The following BPTF variants were observed in gnomAD, a reference collection of about 807,000 sequenced individuals.
The protein encoded by BPTF is bromodomain PHD finger transcription factor.
BPTF carries 18 observed loss-of-function variants against 292.5 expected under a neutral mutation model. That is an observed-to-expected ratio of 0.06 (90% CI 0.04 to 0.09). The LOEUF (loss-of-function observed/expected upper bound fraction) is 0.09, where lower values mean the gene tolerates loss of function less well. Ranked by LOEUF, BPTF falls within the 10% of genes least tolerant of loss-of-function variation. BPTF has a pLI of 1.00. For missense variants in BPTF, 2,726 were observed against 3,498.7 expected (o/e 0.78, Z 5.57); for synonymous variants, 1,225 against 1,251.9 (o/e 0.98, Z 0.45).
At chr17:67,919,647 G>A (rs2063304941) in intron 12 of BPTF, among the ~76,000 whole-genome samples, 1 of 152,168 alleles carries the variant, frequency 6.6e-6, no homozygotes, top group Non-Finnish European at 1.5e-5. Flanking sequence ...TCACTTATGT[G>A]TGAACCAGTC....
chr17:67,908,826 A>ATTTTT (rs34934455), intron 9 of BPTF, among the ~76,000 whole-genome samples: 278 of 106,108 alleles, frequency 2.6e-3, no homozygotes, highest in East Asian at 5.1e-3. Flanking sequence ...GTCACTGACA[A>ATTTTT]TTTTTTTTTT....
intron 23 of BPTF, among the ~76,000 whole-genome samples, chr17:67,954,565 C>A (rs2066743337): frequency 6.6e-6 from 1 of 152,198 alleles, no homozygotes; most frequent in Non-Finnish European, 1.5e-5. Flanking sequence ...CCTCTTCTTC[C>A]TTCTGAATCT....
At chr17:67,933,231 C>T (rs562774094) in intron 18 of BPTF, among the ~76,000 whole-genome samples, 1 of 150,400 alleles carries the variant, frequency 6.6e-6, no homozygotes, top group South Asian at 2.1e-4. Context: ...GTACTCCAGC[C>T]TGGGCAAAAA....
At chr17:67,963,828 T>C (rs1344054861) in intron 24 of BPTF, among the ~76,000 whole-genome samples, 3 of 152,190 alleles carry the variant, frequency 2.0e-5, no homozygotes, top group Non-Finnish European at 1.5e-5. Flanking sequence ...TGGTGCTTTA[T>C]TGTAGGTTAG....
In BPTF at chr17:67,944,161, A is replaced by G. The variant is rs1409682941; in HGVS notation, c.6489A>G (p.Gln2163=). The G allele has an allele frequency of 6.2e-7, 1 of 1,614,164 alleles. No homozygotes were observed. The highest frequency in any genetic ancestry group is 8.5e-7 in the Non-Finnish European group (1 of 1,179,972). ...TQLTQGHGGN[Q]GLTVVIQGQG... is the part of the protein sequence containing the mutation. ...TGTTTTTTCCACAGGGTGGCAATCA[A>G]GGTTTGACAGTAGTAATTCAAGGAC... is the stretch of plus-strand genomic sequence containing the variant. The change falls in exon 20 of 28, where the codon CAA becomes CAG. Residue 2163 remains glutamine, a synonymous_variant. Transcript: ENST00000306378.
chr17:67,890,687 A>G (rs947228784), intron 4 of BPTF, among the ~76,000 whole-genome samples: 60 of 152,190 alleles, frequency 3.9e-4, no homozygotes, highest in Non-Finnish European at 7.4e-4. Flanking sequence ...GTATCTCCCC[A>G]AAGGAAAGAA....
At chr17:67,826,580 T>TCTCTC (rs1555605611) in intron 1 of BPTF, among the ~76,000 whole-genome samples, 1 of 137,418 alleles carries the variant, frequency 7.3e-6, no homozygotes, top group Non-Finnish European at 1.6e-5. Context: ...TCGCTCTCTC[T>TCTCTC]CCCCCCCCCA....
intron 7 of BPTF, among the ~76,000 whole-genome samples, chr17:67,900,873 G>A (rs79757812): frequency 0.012 from 1,808 of 152,028 alleles, 15 homozygotes; most frequent in Non-Finnish European, 0.019. Flanking sequence ...GCCAGGCATG[G>A]TCTTGCTTGC....
In BPTF at chr17:67,946,073, G is replaced by A. The variant is rs1373427608; in HGVS notation, c.7365G>A (p.Gln2455=). ...AGATCCAGTCACAGGTTGTGGCTCA[G>A]ATACAGGCTCAGCAAAGTGGTGTGC... The part of the protein sequence containing the change: ...LSQIQSQVVA[Q]IQAQQSGVPQ... The change falls in exon 21 of 28, where the codon CAG becomes CAA. Residue 2455 remains glutamine, a synonymous_variant. Transcript: ENST00000306378. 1.9e-6 allele frequency: 3 copies of A among 1,614,176 alleles called. No homozygotes were observed. Among genetic ancestry groups the A allele is most frequent in the Non-Finnish European group, 2.5e-6 (3 of 1,180,030 alleles).
intron 1 of BPTF, among the ~76,000 whole-genome samples, chr17:67,846,209 G>A (rs987107482): frequency 2.6e-5 from 4 of 152,090 alleles, no homozygotes; most frequent in Non-Finnish European, 5.9e-5. Flanking sequence ...AAAAATATAG[G>A]CTGGGCATGG....
intron 4 of BPTF, chr17:67,875,859 A>T: frequency 1.1e-6 from 1 of 886,974 alleles, no homozygotes; most frequent in Admixed American, 4.2e-5. Context: ...CTGCTTGCTT[A>T]CAGTGCCATC....
At chr17:67,951,219 G>A (rs1253442941) in intron 23 of BPTF, 1 of 152,150 alleles carries the variant, frequency 6.6e-6, no homozygotes, top group African/African-American at 2.4e-5. Context: ...TTTTCTCAGA[G>A]GTTGGGAGGT....
intron 13 of BPTF, among the ~76,000 whole-genome samples, chr17:67,920,890 T>A (rs189608035): frequency 1.1e-4 from 17 of 151,828 alleles, no homozygotes; most frequent in Non-Finnish European, 2.2e-4. Flanking sequence ...ACAATAAAAA[T>A]ATTTAGGAAA....
intron 6 of BPTF, 122 bp from the exon 7 acceptor site, chr17:67,893,912 G>A (rs371004780): frequency 3.9e-6 from 5 of 1,297,282 alleles, no homozygotes; most frequent in Non-Finnish European, 2.2e-6. Context: ...ACTATTTGGA[G>A]GATTTTTAGG....
At chr17:67,955,867 A>G (rs1247124562) in intron 23 of BPTF, 2 of 151,940 alleles carry the variant, frequency 1.3e-5, no homozygotes, top group Admixed American at 6.6e-5. Context: ...TTTATAGGCC[A>G]GGAGAGGTGT....
At chr17:67,979,107 C>G (rs534294897) in intron 27 of BPTF, among the ~76,000 whole-genome samples, 1 of 134,810 alleles carries the variant, frequency 7.4e-6, no homozygotes, top group South Asian at 2.5e-4. Flanking sequence ...GAGGTAGACG[C>G]TGCAGTGAGC....
At chr17:67,926,434 C>T (rs904859889) in intron 15 of BPTF, among the ~76,000 whole-genome samples, 2 of 149,420 alleles carry the variant, frequency 1.3e-5, no homozygotes, top group African/African-American at 4.9e-5. Context: ...ACGCCATTCT[C>T]CTGCCTCAGC....
intron 9 of BPTF, 65 bp from the exon 10 acceptor site, chr17:67,909,517 C>T: frequency 1.0e-6 from 1 of 988,312 alleles, no homozygotes. Context: ...TTTCACTAAA[C>T]TTGACATATT....
rs1310400852 is a variant in BPTF at position 67,920,740 on chromosome 17, A to G, written c.5557+597A>G. ...CAGTAAGCTAAGAGAGTAATATTGG[A>G]AAAGAAGATTAACACTAATTTATAG... On this transcript the variant is annotated intron_variant, in intron 13 of 27. Coordinates refer to ENST00000306378, the MANE Select transcript of BPTF (RefSeq NM_182641.4). Among the ~76,000 whole-genome samples, 13 of 152,320 alleles carry G rather than the reference A, an allele frequency of 8.5e-5. No individual in the cohort carries two copies. The East Asian group carries it at 2.5e-3, about 29-fold the overall frequency.
Sources: allele counts gnomAD v4.1 joint callset (sites outside exome capture counted in the v4.1 genomes callset), GRCh38; gene constraint gnomAD v4.1.1; transcripts MANE v1.5; gene names NCBI Gene and HGNC (gene_info 2026-07-23, HGNC 2026-07-21).